Variants in TTC28 observed in about 807,000 individuals in gnomAD.
The protein encoded by TTC28 is tetratricopeptide repeat domain 28.
Under a neutral mutation model 198.0 loss-of-function variants are expected in TTC28, and 61 were observed. That is an observed-to-expected ratio of 0.31 (90% CI 0.25 to 0.38). The LOEUF (loss-of-function observed/expected upper bound fraction) is 0.38. Ranked by LOEUF, TTC28 falls within the 10% of genes least tolerant of loss-of-function variation. TTC28 has a pLI of 1.00. For synonymous variants in TTC28, 1,171 were observed against 1,297.8 expected (o/e 0.90, Z 2.10); for missense variants, 2,678 against 3,164.0 (o/e 0.85, Z 3.69).
At chr22:28,132,654 C>T (rs564172474) in intron 6 of TTC28, among the ~76,000 whole-genome samples, 1 of 152,240 alleles carries the variant, frequency 6.6e-6, no homozygotes, top group South Asian at 2.1e-4. Context: ...TCAGGAAGTA[C>T]CCCACTGAGA....
At chr22:28,567,698 C>T (rs998327228) in intron 2 of TTC28, among the ~76,000 whole-genome samples, 10 of 151,252 alleles carry the variant, frequency 6.6e-5, no homozygotes, top group African/African-American at 2.2e-4. Context: ...TTCACCCTTT[C>T]TCGGGAAGCT....
intron 6 of TTC28, among the ~76,000 whole-genome samples, chr22:28,122,200 C>T (rs140021246): frequency 0.017 from 2,605 of 152,156 alleles, 45 homozygotes; most frequent in South Asian, 0.028. Flanking sequence ...AGAAGCAGCT[C>T]CCTTTTACTT....
At position 28,001,484 on chromosome 22, in the gene TTC28, A is replaced by G; in HGVS notation, c.4288T>C (p.Tyr1430His). ...QLILVLEGEL[Y>H]LIPFALLKGS... ...TTCAGGAGGGCGAAAGGAATGAGGT[A>G]GAGCTCCCCCTCCAGAACCAGGATG... is the stretch of plus-strand genomic sequence containing the variant. Residue 1430 changes from tyrosine to histidine, a missense_variant, in exon 15 of 23, where the codon TAC (tyrosine) becomes CAC (histidine). Tyr to His is a moderately conservative substitution (Grantham distance 83, BLOSUM62 2). Transcript: ENST00000397906. 1.9e-6 allele frequency: 3 copies of G among 1,551,560 alleles called. No homozygotes were observed. Among genetic ancestry groups the G allele is most frequent in the South Asian group, 2.4e-5 (2 of 84,068 alleles).
intron 2 of TTC28, among the ~76,000 whole-genome samples, chr22:28,612,312 C>G (rs993404169): frequency 6.6e-6 from 1 of 152,092 alleles, no homozygotes; most frequent in Non-Finnish European, 1.5e-5. Context: ...ACAGGAGCAC[C>G]CAGATTCATA....
At position 28,334,470 on chromosome 22, in the gene TTC28, G is replaced by A. The variant is rs373310633; in HGVS notation, c.382-27827C>T. Among the ~76,000 whole-genome samples, 83 of 152,146 alleles carry A rather than the reference G, an allele frequency of 5.5e-4. No homozygotes were observed. In the South Asian group the frequency reaches 0.011, roughly 20 times the overall value. ...TGAACTAGTTTACAATCCCACCAAC[G>A]GTGTAAAAGTGTTCCTATTTCTCCA... is the stretch of plus-strand genomic sequence containing the variant. On this transcript the variant is annotated intron_variant, in intron 2 of 22. Coordinates refer to ENST00000397906, the MANE Select transcript of TTC28 (RefSeq NM_001145418.2).
At chr22:28,158,114 G>T (rs921940676) in intron 6 of TTC28, among the ~76,000 whole-genome samples, 6 of 151,932 alleles carry the variant, frequency 3.9e-5, no homozygotes, top group African/African-American at 1.5e-4. Context: ...ATTTCTATAT[G>T]CCAACAGTTA....
intron 5 of TTC28, among the ~76,000 whole-genome samples, chr22:28,251,259 A>G (rs1049280945): frequency 6.6e-6 from 1 of 152,204 alleles, no homozygotes; most frequent in Non-Finnish European, 1.5e-5. Context: ...TTTTGTAAGG[A>G]GCAGTTTGGA....
chr22:28,324,365 G>T (rs529490545), intron 2 of TTC28, among the ~76,000 whole-genome samples: 1 of 151,718 alleles, frequency 6.6e-6, no homozygotes, highest in East Asian at 1.9e-4. Flanking sequence ...GAAAAAGAGG[G>T]ACTCCTCCCT....
At chr22:28,518,756 A>T (rs2048841126) in intron 2 of TTC28, among the ~76,000 whole-genome samples, 1 of 152,260 alleles carries the variant, frequency 6.6e-6, no homozygotes, top group Non-Finnish European at 1.5e-5. Context: ...AATTAGGAAG[A>T]TAGTAAAAAG....
chr22:28,180,141 T>G (rs1159819733), intron 5 of TTC28, among the ~76,000 whole-genome samples: 3 of 152,146 alleles, frequency 2.0e-5, no homozygotes, highest in African/African-American at 7.2e-5. Context: ...CTGAATCATG[T>G]TCTTGGAGTT....
chr22:28,446,779 G>C (rs530227724), intron 2 of TTC28, among the ~76,000 whole-genome samples: 1 of 152,218 alleles, frequency 6.6e-6, no homozygotes, highest in African/African-American at 2.4e-5. Flanking sequence ...GTCCTGTATA[G>C]CAATACAAAA....
At chr22:28,123,927 G>A (rs913450362) in intron 6 of TTC28, among the ~76,000 whole-genome samples, 3 of 152,118 alleles carry the variant, frequency 2.0e-5, no homozygotes, top group Admixed American at 1.3e-4. Flanking sequence ...AGGTTTCAGT[G>A]AGCTGAGATC....
rs562749417 is a variant in TTC28, at chr22:28,467,290, G to C, written c.382-160647C>G. On this transcript the variant is annotated intron_variant, in intron 2 of 22. Coordinates refer to ENST00000397906, the MANE Select transcript of TTC28 (RefSeq NM_001145418.2). ...ACAATAAAAATTAGCCAGGGTTGGT[G>C]GTGCACATCTGTGGTCCCAGCTATT... Among the ~76,000 whole-genome samples, 323 of 152,228 alleles carry C rather than the reference G, an allele frequency of 2.1e-3. 2 individuals are homozygous for C. Among genetic ancestry groups the C allele is most frequent in the African/African-American group, 7.3e-3 (304 of 41,528 alleles).
chr22:28,620,517 A>G (rs534784729), intron 2 of TTC28, among the ~76,000 whole-genome samples: 7 of 152,230 alleles, frequency 4.6e-5, no homozygotes, highest in African/African-American at 1.7e-4. Flanking sequence ...CTTTCAATGG[A>G]AATTTTAAAC....
intron 6 of TTC28, among the ~76,000 whole-genome samples, chr22:28,118,952 T>G (rs1440596571): frequency 6.6e-6 from 1 of 152,216 alleles, no homozygotes; most frequent in African/African-American, 2.4e-5. Flanking sequence ...TCAAAAAATT[T>G]TATATCTGTT....
chr22:28,330,337 T>G (rs2045595086), intron 2 of TTC28, among the ~76,000 whole-genome samples: 1 of 152,182 alleles, frequency 6.6e-6, no homozygotes, highest in Non-Finnish European at 1.5e-5. Context: ...GTCTTGGTAA[T>G]GCTGCACAAA....
chr22:28,515,971 A>G (rs1568991786), intron 2 of TTC28, among the ~76,000 whole-genome samples: 2 of 151,910 alleles, frequency 1.3e-5, no homozygotes, highest in Non-Finnish European at 1.5e-5. Context: ...ATGGCGAAAC[A>G]CCGTCTCTAC....
chr22:28,017,042 C>A (rs140342145), intron 13 of TTC28, among the ~76,000 whole-genome samples: 14 of 152,306 alleles, frequency 9.2e-5, no homozygotes, highest in Non-Finnish European at 1.6e-4. Context: ...CTGCTGAGCT[C>A]GAATCCCAGC....
rs1236015062 is a variant in TTC28, at chr22:28,105,341, C to A, written c.3245G>T (p.Ser1082Ile). The A allele has an allele frequency of 9.0e-6, 14 of 1,551,614 alleles. No individual in the cohort carries two copies. Among genetic ancestry groups the A allele is most frequent in the Non-Finnish European group, 1.2e-5 (14 of 1,147,010 alleles). Residue 1082 changes from serine (S) to isoleucine (I), a missense_variant, in exon 8 of 23, where the codon AGC (serine) becomes ATC (isoleucine). Around this residue, in one of 8 missense-constraint regions of TTC28, gnomAD observed 727 missense variants for 861.9 expected, o/e 0.84. Coordinates refer to ENST00000397906, the MANE Select transcript of TTC28 (RefSeq NM_001145418.2). The stretch of plus-strand genomic sequence containing the variant: ...CAAGGCATGATGGGTCCTTCCAAGG[C>A]TACTATATGACACCGTCTTGGCCGC... ...DLAAKTVSYS[S>I]LGRTHHALQN...
Sources: gnomAD v4.1 joint callset for allele counts (sites outside exome capture counted in the v4.1 genomes callset) on GRCh38, gnomAD v4.1.1 for gene constraint, gnomAD v4.1.1 regional missense constraint, MANE v1.5 for transcripts, NCBI Gene and HGNC (gene_info 2026-07-23, HGNC 2026-07-21) for gene names.